The following SDK1 variants were observed in gnomAD, a reference collection of about 807,000 sequenced individuals.
SDK1 encodes the protein sidekick cell adhesion molecule 1, also known as protein sidekick-1.
In SDK1, 157 loss-of-function variants were observed where a neutral mutation model predicts 245.5. The observed-to-expected ratio is 0.64, with a 90% CI of 0.56 to 0.73. SDK1 has a LOEUF of 0.73. Among genes scored for constraint, SDK1 ranks in the 30% least tolerant of loss-of-function variants. The probability of loss-of-function intolerance (pLI) is 0.00; values close to 1 mark genes in which losing one functional copy is unlikely to be tolerated. For synonymous variants in SDK1, 1,647 were observed against 1,278.5 expected (o/e 1.29, Z -6.15); for missense variants, 3,583 against 3,002.3 (o/e 1.19, Z -4.52).
At chr7:3,444,098 C>T (rs539881308) in intron 1 of SDK1, among the ~76,000 whole-genome samples, 22 of 152,340 alleles carry the variant, frequency 1.4e-4, no homozygotes, top group African/African-American at 4.8e-4. Flanking sequence ...CTTTACCTTA[C>T]GTTGCTGTTT....
At chr7:3,781,253 G>C (rs1450805617) in intron 4 of SDK1, among the ~76,000 whole-genome samples, 1 of 152,122 alleles carries the variant, frequency 6.6e-6, no homozygotes. Flanking sequence ...CTGACCAGAA[G>C]TCATTGCAGT....
intron 13 of SDK1, among the ~76,000 whole-genome samples, chr7:3,978,141 G>A (rs1328253001): frequency 6.6e-6 from 1 of 151,890 alleles, no homozygotes; most frequent in Non-Finnish European, 1.5e-5. Flanking sequence ...TGAGTTCCTA[G>A]GAGCTGTTGT....
At chr7:3,856,091 G>C (rs1404966500) in intron 5 of SDK1, among the ~76,000 whole-genome samples, 1 of 152,178 alleles carries the variant, frequency 6.6e-6, no homozygotes, top group Non-Finnish European at 1.5e-5. Flanking sequence ...GAAGACTGGG[G>C]AGAAGAGAGA....
rs139915557 is a variant in SDK1, at chr7:3,668,410, A to G, written c.713+26305A>G. Among the ~76,000 whole-genome samples the G allele has an allele frequency of 3.9e-5, 6 of 152,328 alleles. No individual in the cohort carries two copies. In the East Asian group the frequency reaches 9.6e-4, roughly 24 times the overall value. ...TTTCTACATGGACCTCTCCATGGGC[A>G]TGGACTTCCTTCAAAGATTATATGC... On this transcript the variant is annotated intron_variant, in intron 4 of 44. Transcript: ENST00000404826.
At chr7:3,795,460 C>T (rs897415710) in intron 4 of SDK1, among the ~76,000 whole-genome samples, 6 of 151,982 alleles carry the variant, frequency 3.9e-5, no homozygotes, top group South Asian at 2.1e-4. Context: ...ATATAAAGTG[C>T]GCTGAACTCC....
intron 4 of SDK1, among the ~76,000 whole-genome samples, chr7:3,672,307 C>G (rs1172035072): frequency 2.6e-5 from 4 of 151,940 alleles, no homozygotes; most frequent in African/African-American, 9.7e-5. Flanking sequence ...GTTATTCTAT[C>G]ACAGCAAGCA....
chr7:3,407,165 C>G (rs975848724), intron 1 of SDK1, among the ~76,000 whole-genome samples: 2 of 152,182 alleles, frequency 1.3e-5, no homozygotes, highest in African/African-American at 4.8e-5. Context: ...AGTCCTTGCA[C>G]ACTGGCTCCT....
chr7:3,724,580 T>C (rs1425739991), intron 4 of SDK1, among the ~76,000 whole-genome samples: 2 of 152,194 alleles, frequency 1.3e-5, no homozygotes, highest in African/African-American at 4.8e-5. Context: ...CTAGGTCGAC[T>C]ATTAACAGAC....
In SDK1 at chr7:4,182,260, G is replaced by A. The variant is rs577713814; in HGVS notation, c.5098+3674G>A. On this transcript the variant is annotated intron_variant, in intron 35 of 44. Transcript: ENST00000404826. Reference sequence around the variant, plus strand: ...CCTCTCTGTCCCCCTCCCTCTAGGCGGGGCTCAGATTTCCCCTCTGTGCGG... The same window carrying A: ...CCTCTCTGTCCCCCTCCCTCTAGGCAGGGCTCAGATTTCCCCTCTGTGCGG... 3.2e-4 allele frequency among the ~76,000 whole-genome samples: 49 copies of A among 152,214 alleles called. 2 individuals carry two copies. The South Asian group carries it at 9.3e-3, about 29-fold the overall frequency.
chr7:3,383,066 T>G (rs1294447454), intron 1 of SDK1, among the ~76,000 whole-genome samples: 2 of 152,192 alleles, frequency 1.3e-5, no homozygotes, highest in Non-Finnish European at 2.9e-5. Context: ...AATGTTGTCT[T>G]GAATTCTTGC....
At chr7:3,325,152 C>G (rs1187417384) in intron 1 of SDK1, among the ~76,000 whole-genome samples, 1 of 151,978 alleles carries the variant, frequency 6.6e-6, no homozygotes, top group Non-Finnish European at 1.5e-5. Flanking sequence ...ACAGGTGATG[C>G]TTAAAACACA....
chr7:3,372,142 G>A (rs919627909), intron 1 of SDK1, among the ~76,000 whole-genome samples: 3 of 152,146 alleles, frequency 2.0e-5, no homozygotes, highest in Non-Finnish European at 2.9e-5. Context: ...TTTCATCCAC[G>A]GAGGAGACCA....
At chr7:3,451,741 G>A (rs184248472) in intron 1 of SDK1, among the ~76,000 whole-genome samples, 57 of 152,292 alleles carry the variant, frequency 3.7e-4, no homozygotes, top group African/African-American at 1.3e-3. Flanking sequence ...TCTACTCTGC[G>A]TGATCACTTT....
chr7:3,320,911 A>G (rs1779786700), intron 1 of SDK1, among the ~76,000 whole-genome samples: 1 of 152,086 alleles, frequency 6.6e-6, no homozygotes, highest in African/African-American at 2.4e-5. Flanking sequence ...AAAAAAATCC[A>G]GCTAGGACTC....
intron 5 of SDK1, among the ~76,000 whole-genome samples, chr7:3,905,553 A>G (rs1250560863): frequency 6.6e-6 from 1 of 151,872 alleles, no homozygotes; most frequent in East Asian, 1.9e-4. Context: ...CTACAGTTTC[A>G]CTAGGTAGTT....
rs1303534338 is a variant in SDK1 at position 3,832,977 on chromosome 7, C to T, written c.847+11394C>T. On this transcript the variant is annotated intron_variant, in intron 5 of 44. Coordinates refer to ENST00000404826, the MANE Select transcript of SDK1 (RefSeq NM_152744.4). ...AACTAGCAAGTGTAGCTTTTTGAGA[C>T]GGATACCAAAGATATTATTTTATGT... Among the ~76,000 whole-genome samples the T allele has an allele frequency of 5.3e-5, 8 of 151,904 alleles. No homozygotes were observed. In the South Asian group the frequency reaches 8.3e-4, roughly 16 times the overall value.
At chr7:3,385,222 T>A (rs966378594) in intron 1 of SDK1, among the ~76,000 whole-genome samples, 2 of 152,176 alleles carry the variant, frequency 1.3e-5, no homozygotes, top group Admixed American at 6.5e-5. Context: ...GAATTGATAA[T>A]ACCTTGTAAG....
intron 35 of SDK1, among the ~76,000 whole-genome samples, chr7:4,180,085 G>A (rs765427582): frequency 6.6e-6 from 1 of 152,104 alleles, no homozygotes; most frequent in South Asian, 2.1e-4. Context: ...GAAGCCAGGG[G>A]TGGTGCGGGA....
chr7:4,197,971 A>G (rs7793760), intron 35 of SDK1, among the ~76,000 whole-genome samples: 25,676 of 152,236 alleles, frequency 0.17, 2,358 homozygotes, highest in African/African-American at 0.2. Flanking sequence ...AGGGTCCTCC[A>G]GGAATGCTCA....
Sources: allele counts gnomAD v4.1 joint callset (sites outside exome capture counted in the v4.1 genomes callset), GRCh38; gene constraint gnomAD v4.1.1; transcripts MANE v1.5; gene names NCBI Gene and HGNC (gene_info 2026-07-23, HGNC 2026-07-21).